CROCC: variants seen among roughly 807,000 people sequenced by gnomAD.
CROCC encodes ciliary rootlet coiled-coil, rootletin, also known as rootletin.
A neutral mutation model predicts 245.2 loss-of-function variants in CROCC; 180 were observed. That is an observed-to-expected ratio of 0.73 (90% CI 0.65 to 0.83). CROCC has a LOEUF of 0.83. Among genes scored for constraint, CROCC ranks in the 40% least tolerant of loss-of-function variants. The pLI, the probability that CROCC is intolerant of heterozygous loss-of-function variation, is 0.00. For synonymous variants in CROCC, 1,205 were observed against 1,241.6 expected, an observed-to-expected ratio of 0.97 and a Z score of 0.62; for missense variants, 2,688 against 2,779.4, an observed-to-expected ratio of 0.97 and a Z score of 0.74.
intron 9 of CROCC, among the ~76,000 whole-genome samples, chr1:16,937,375 A>G (rs533471615): frequency 2.0e-5 from 3 of 152,264 alleles, no homozygotes. Context: ...ACAAAAAAAA[A>G]GAACTCGTGC....
At chr1:16,947,125 G>C in intron 17 of CROCC, 134 bp downstream of exon 17, 1 of 856,266 alleles carries the variant, frequency 1.2e-6, no homozygotes, top group Non-Finnish European at 1.8e-6. Flanking sequence ...CCCCACTTCT[G>C]CTAGCTGGGG....
chr1:16,954,995 T>C lies in CROCC; in HGVS notation c.3465+118T>C, dbSNP rs1309362137. The C allele has an allele frequency of 1.6e-6, 2 of 1,273,242 alleles. No homozygotes were observed. The highest frequency in any genetic ancestry group is 2.1e-6 in the Non-Finnish European group (2 of 949,750). 78.9% of individuals were successfully genotyped at this position (1,273,242 alleles called of 1,614,324 possible). ...ATTCCTCCCTGCATTTGAGGACCAA[T>C]GAATAGCAACTTAGAAAGGAGGCAG... On this transcript the variant is annotated intron_variant, in intron 23 of 36. Coordinates refer to ENST00000375541, the MANE Select transcript of CROCC (RefSeq NM_014675.5). This position sits in a 1 kb window ranked among gnomAD's most constrained non-coding sequence, Gnocchi z 4.4.
At chr1:16,971,731 G>A in intron 36 of CROCC, 84 bp downstream of exon 36, 2 of 1,315,472 alleles carry the variant, frequency 1.5e-6, no homozygotes, top group Non-Finnish European at 2.0e-6. Flanking sequence ...GACCTTGTGG[G>A]TATAGGCAGT....
intron 10 of CROCC, 36 bp from the exon 11 acceptor site, chr1:16,938,363 AC>A (rs1255753178): frequency 2.0e-6 from 3 of 1,531,928 alleles, no homozygotes; most frequent in Non-Finnish European, 2.6e-6. Context: ...ATAAGACAGA[AC>A]CCCAACCACC....
At position 16,946,785 on chromosome 1, in the gene CROCC, C is replaced by G. The variant is rs1239142264; in HGVS notation, c.2308C>G (p.Gln770Glu). The G allele has an allele frequency of 1.4e-5, 21 of 1,551,828 alleles. No individual in the cohort carries two copies. The African/African-American group carries it at 1.9e-4, about 14-fold the overall frequency. Residue 770 changes from glutamine (Q) to glutamate (E), a missense_variant, in exon 17 of 37, where the codon CAG (glutamine) becomes GAG (glutamate). By Grantham distance (29) the Gln-to-Glu change is conservative. This residue lies in a region of CROCC where 295 missense variants were observed against 241.7 expected (regional missense o/e 1.22). Transcript: ENST00000375541. ...GCTGGAGGAAGAAAAGTCCGCCCTG[C>G]AGGGCCGGCAACGGCAGGCAGAGCA... Reference protein sequence around the residue: ...AQLEEEKSALQGRQRQAEQEA... With the variant: ...AQLEEEKSALEGRQRQAEQEA...
At chr1:16,963,725 C>T (rs1379921679) in intron 27 of CROCC, among the ~76,000 whole-genome samples, 2 of 152,254 alleles carry the variant, frequency 1.3e-5, no homozygotes, top group East Asian at 1.9e-4. Context: ...GGAGTGCTGC[C>T]AGGGAGTCGG....
At position 16,930,502 on chromosome 1, in the gene CROCC, CT is replaced by C. The variant is rs780758436; in HGVS notation, c.758del (p.Leu253ArgfsTer8). The part of the protein sequence containing the change: ...LDQAGSANQA[L>X]SEDIRKVTND... Reference sequence around the variant, plus strand: ...CCAGGCAGGCTCGGCCAACCAGGCTCTGAGTGAGGACATACGAAAGGTGACC... The same window carrying C: ...CCAGGCAGGCTCGGCCAACCAGGCTCGAGTGAGGACATACGAAAGGTGACC... On this transcript the variant is annotated frameshift_variant, in exon 7 of 37. Transcript: ENST00000375541. LOFTEE classifies it high-confidence loss of function. 1 of 1,612,474 alleles carries C rather than the reference CT, an allele frequency of 6.2e-7. No individual in the cohort carries two copies. The highest frequency in any genetic ancestry group is 1.1e-5 in the South Asian group (1 of 90,966).
At chr1:16,953,863 A>G in intron 21 of CROCC, 1 of 213,816 alleles carries the variant, frequency 4.7e-6, no homozygotes, top group South Asian at 7.9e-5. Context: ...CTTTCCTATA[A>G]TGTAACGGAG....
chr1:16,970,547 G>A, intron 34 of CROCC, 89 bp from the exon 35 acceptor site: 3 of 1,474,878 alleles, frequency 2.0e-6, no homozygotes, highest in Non-Finnish European at 1.8e-6. Context: ...CCTCTGGTGG[G>A]GTTAGGTTAT....
Position 16,956,131 on chromosome 1 carries a change from G to A in CROCC, c.3839G>A (p.Arg1280Gln), listed in dbSNP as rs1010665521. Residue 1280 changes from arginine to glutamine, a missense_variant, in exon 25 of 37, where the codon CGG (arginine) becomes CAG (glutamine). By Grantham distance (43) the Arg-to-Gln change is conservative. Coordinates refer to ENST00000375541, the MANE Select transcript of CROCC (RefSeq NM_014675.5). Reference protein sequence around the residue: ...EVERSRLEARRELQELRRQMK... With the variant: ...EVERSRLEARQELQELRRQMK... ...GAGCGCTCACGGCTGGAGGCTCGGCGGGAGCTGCAGGAGCTCCGGCGTCAG... is the reference window on the plus strand; with the variant it reads ...GAGCGCTCACGGCTGGAGGCTCGGCAGGAGCTGCAGGAGCTCCGGCGTCAG... 4.1e-5 allele frequency: 63 copies of A among 1,546,604 alleles called. No individual in the cohort carries two copies. Among genetic ancestry groups the A allele is most frequent in the Non-Finnish European group, 5.2e-5 (59 of 1,144,376 alleles).
At chr1:16,941,780 C>T (rs1273274776) in intron 13 of CROCC, among the ~76,000 whole-genome samples, 1 of 152,172 alleles carries the variant, frequency 6.6e-6, no homozygotes, top group Non-Finnish European at 1.5e-5. Context: ...GCCCTAGCCA[C>T]ATTTCAAGCA....
intron 1 of CROCC, among the ~76,000 whole-genome samples, chr1:16,916,181 C>G (rs1306747147): frequency 2.9e-5 from 2 of 68,418 alleles, no homozygotes; most frequent in African/African-American, 6.9e-5. Context: ...AAGACTCTGC[C>G]TCAAAAAAAA....
At chr1:16,918,731 G>GTTTTTTT (rs1322555949), upstream of CROCC, among the ~76,000 whole-genome samples, 36 of 78,144 alleles carry the variant, frequency 4.6e-4, no homozygotes, top group African/African-American at 1.6e-3. Context: ...GGCCGGTTTA[G>GTTTTTTT]TTTTTTGTTT....
chr1:16,937,131 A>G (rs2075809189), intron 9 of CROCC, among the ~76,000 whole-genome samples: 2 of 152,254 alleles, frequency 1.3e-5, no homozygotes, highest in Non-Finnish European at 2.9e-5. Flanking sequence ...AAGGTGGGGG[A>G]TTACCTGAGG....
intron 13 of CROCC, chr1:16,940,731 T>C (rs774251219): frequency 2.0e-5 from 5 of 245,468 alleles, no homozygotes; most frequent in East Asian, 1.4e-4. Context: ...TTTTGTTTTG[T>C]TTTGCTTTGT....
At chr1:16,961,602 A>ATTCT in intron 27 of CROCC, among the ~76,000 whole-genome samples, 1 of 151,690 alleles carries the variant, frequency 6.6e-6, no homozygotes. Context: ...AAGTGGGGTG[A>ATTCT]TTCTTTTTTT....
intron 27 of CROCC, among the ~76,000 whole-genome samples, chr1:16,962,415 G>T (rs902441427): frequency 4.6e-5 from 7 of 150,858 alleles, no homozygotes; most frequent in African/African-American, 1.5e-4. Flanking sequence ...GGCACCTGTA[G>T]TCCCAGCTAC....
chr1:16,956,387 G>T (rs2076251033), intron 25 of CROCC, among the ~76,000 whole-genome samples: 1 of 152,226 alleles, frequency 6.6e-6, no homozygotes, highest in Non-Finnish European at 1.5e-5. Context: ...TCACATTTCT[G>T]CAAGGAGAGG....
intron 3 of CROCC, among the ~76,000 whole-genome samples, chr1:16,928,297 C>T (rs1438479601): frequency 6.6e-6 from 1 of 152,286 alleles, no homozygotes; most frequent in African/African-American, 2.4e-5. Context: ...TCCTCCCTCA[C>T]CTCCCTTCCC....
Sources: allele counts gnomAD v4.1 joint callset (sites outside exome capture counted in the v4.1 genomes callset), GRCh38; gene constraint gnomAD v4.1.1; regional missense constraint gnomAD v4.1.1; non-coding constraint Gnocchi (gnomAD v3.1); transcripts MANE v1.5; gene names NCBI Gene and HGNC (gene_info 2026-07-23, HGNC 2026-07-21).